The following KIAA0930 variants were observed in gnomAD, a reference collection of about 807,000 sequenced individuals.
The protein encoded by KIAA0930 is uncharacterized protein KIAA0930.
KIAA0930 carries 24 observed loss-of-function variants against 43.9 expected under a neutral mutation model. The ratio of observed to expected loss-of-function variants is 0.55; its 90% CI spans 0.40 to 0.77. The LOEUF is 0.77. Ranked by LOEUF, KIAA0930 falls within the 30% of genes least tolerant of loss-of-function variation. The pLI is 0.00. For synonymous variants in KIAA0930, 259 were observed against 216.4 expected (o/e 1.20, Z -1.73); for missense variants, 461 against 574.2 (o/e 0.80, Z 2.02).
At chr22:45,209,679 C>T (rs1159214392) in intron 2 of KIAA0930, among the ~76,000 whole-genome samples, 3 of 152,230 alleles carry the variant, frequency 2.0e-5, no homozygotes, top group African/African-American at 7.2e-5. Flanking sequence ...CTGGCCATAC[C>T]GTCTGTCTAT....
chr22:45,194,052 C>CTTTTTTTTTTTTTTTT lies in KIAA0930; in HGVS notation c.*3108_*3123dup, dbSNP rs71190644. 14 of 44,344 alleles carry CTTTTTTTTTTTTTTTT rather than the reference C, an allele frequency of 3.2e-4. 4 individuals carry two copies. The highest frequency in any genetic ancestry group is 2.5e-3 in the South Asian group (2 of 792). The allele number at this position is 44,344 out of a possible 1,614,324, so 2.7% of individuals were successfully genotyped here. ...GGTTTGGGTTTAAAGACCAATGTAT[C>CTTTTTTTTTTTTTTTT]TTTTTTTTTTTTTTTTTTTTTTTTT... On this transcript the variant is annotated 3_prime_UTR_variant, in exon 10 of 10. Coordinates refer to ENST00000336156, the MANE Select transcript of KIAA0930 (RefSeq NM_001009880.2).
At chr22:45,235,818 C>T (rs998153668) in intron 1 of KIAA0930, among the ~76,000 whole-genome samples, 14 of 152,238 alleles carry the variant, frequency 9.2e-5, no homozygotes, top group Non-Finnish European at 1.9e-4. Flanking sequence ...CACTGAGGCC[C>T]GAGGGCTGGA....
chr22:45,209,749 G>C (rs73434152), intron 2 of KIAA0930, among the ~76,000 whole-genome samples: 1 of 152,116 alleles, frequency 6.6e-6, no homozygotes, highest in East Asian at 1.9e-4. Context: ...AGTGTGGGGG[G>C]GCATCTGCAC....
At chr22:45,199,532 G>A (rs2083567902) in intron 8 of KIAA0930, among the ~76,000 whole-genome samples, 2 of 152,346 alleles carry the variant, frequency 1.3e-5, no homozygotes, top group African/African-American at 4.8e-5. Context: ...CGTGTGTGCG[G>A]AGCCATCAGA....
intron 1 of KIAA0930, among the ~76,000 whole-genome samples, chr22:45,225,316 G>T (rs1233446929): frequency 6.6e-6 from 1 of 152,122 alleles, no homozygotes; most frequent in Non-Finnish European, 1.5e-5. Context: ...CGAGGCACTT[G>T]GGGGAGGGGA....
intron 8 of KIAA0930, 29 bp from the exon 9 acceptor site, chr22:45,197,977 C>T: frequency 6.2e-7 from 1 of 1,612,142 alleles, no homozygotes; most frequent in Non-Finnish European, 8.5e-7. Flanking sequence ...GGTCAAGGCC[C>T]CCACAGCATG....
At position 45,210,468 on chromosome 22, in the gene KIAA0930, C is replaced by T. The variant is rs544622838; in HGVS notation, c.216+1488G>A. Among the ~76,000 whole-genome samples the T allele has an allele frequency of 1.6e-3, 251 of 152,296 alleles. 1 individual carries two copies. The highest frequency in any genetic ancestry group is 5.8e-3 in the African/African-American group (241 of 41,564). ...AAGGGCACTCATATGGTCACACTAA[C>T]CCCAAACATCCCAGCCTCCCAGGTG... is the stretch of plus-strand genomic sequence containing the variant. On this transcript the variant is annotated intron_variant, in intron 2 of 9. Transcript: ENST00000336156.
intron 1 of KIAA0930, among the ~76,000 whole-genome samples, chr22:45,233,481 G>A (rs1246935568): frequency 6.6e-6 from 1 of 152,178 alleles, no homozygotes; most frequent in Non-Finnish European, 1.5e-5. Flanking sequence ...GCTCCCCTCA[G>A]CACAGCAGCC....
At position 45,197,202 on chromosome 22, in the gene KIAA0930, G is replaced by A. The variant is rs1486823130; in HGVS notation, c.1189C>T (p.Arg397Trp). ...TAGGTCATCAGGATGGGCTTCTGCC[G>A]AACTTCCAGGATGTCTAGGGCCGGC... ...HRILTDILEV[R>W]QKPILMT is the part of the protein sequence containing the mutation. Residue 397 changes from arginine (R) to tryptophan (W), a missense_variant, in exon 10 of 10, where the codon CGG becomes TGG. Arg to Trp is a moderately radical substitution (Grantham distance 101, BLOSUM62 -3). Transcript: ENST00000336156. 5.8e-6 allele frequency: 9 copies of A among 1,550,246 alleles called. No homozygotes were observed. The highest frequency in any genetic ancestry group is 1.4e-5 in the African/African-American group (1 of 72,974).
intron 1 of KIAA0930, 65 bp from the exon 2 acceptor site, chr22:45,212,172 G>A: frequency 6.2e-7 from 1 of 1,613,484 alleles, no homozygotes; most frequent in Non-Finnish European, 8.5e-7. Flanking sequence ...GCATGGCCTT[G>A]GCCAAGCTGC....
Position 45,197,087 on chromosome 22 carries a change from G to T in KIAA0930, c.*89C>A. On this transcript the variant is annotated 3_prime_UTR_variant, in exon 10 of 10. Coordinates refer to ENST00000336156, the MANE Select transcript of KIAA0930 (RefSeq NM_001009880.2). ...GCGGCTCCAGCACTGGCGTGCCATCGCAGACCCCGGTGGCGGTGGACAGGT... is the reference window on the plus strand; with the variant it reads ...GCGGCTCCAGCACTGGCGTGCCATCTCAGACCCCGGTGGCGGTGGACAGGT... 1 of 1,158,920 alleles carries T rather than the reference G, an allele frequency of 8.6e-7. No individual in the cohort carries two copies. The highest frequency in any genetic ancestry group is 1.2e-6 in the Non-Finnish European group (1 of 847,036). 71.8% of individuals were successfully genotyped at this position (1,158,920 alleles called of 1,614,324 possible).
chr22:45,226,647 T>C (rs1227163846), intron 1 of KIAA0930: 1 of 232,262 alleles, frequency 4.3e-6, no homozygotes, highest in Non-Finnish European at 9.0e-6. Flanking sequence ...TGTGAGATCA[T>C]CCTCACAGGG....
intron 1 of KIAA0930, among the ~76,000 whole-genome samples, chr22:45,217,770 G>A (rs2083742651): frequency 6.6e-6 from 1 of 152,202 alleles, no homozygotes; most frequent in Non-Finnish European, 1.5e-5. Flanking sequence ...TCAGTGAGTA[G>A]GTGAATCCGT....
chr22:45,213,467 C>A (rs1331329676), intron 1 of KIAA0930: 3 of 1,225,706 alleles, frequency 2.4e-6, no homozygotes, highest in East Asian at 1.2e-4. Context: ...ACTGGCAAGA[C>A]CTCCCAGGCT....
chr22:45,205,718 G>A lies in KIAA0930; in HGVS notation c.337-11C>T, dbSNP rs2083630884. On this transcript the variant is annotated splice_polypyrimidine_tract_variant and intron_variant, in intron 3 of 9. Coordinates refer to ENST00000336156, the MANE Select transcript of KIAA0930 (RefSeq NM_001009880.2). Reference sequence around the variant, plus strand: ...CACCATGTAGTCCAGCTGGAAGAGAGCACGGGTCAGCGTGCAGGGAGGGGT... The same window carrying A: ...CACCATGTAGTCCAGCTGGAAGAGAACACGGGTCAGCGTGCAGGGAGGGGT... The A allele has an allele frequency of 2.5e-6, 4 of 1,614,026 alleles. No homozygotes were observed. The highest frequency in any genetic ancestry group is 2.2e-5 in the East Asian group (1 of 44,896).
rs182986294 is a variant in KIAA0930, at chr22:45,193,677, A to C, written c.*3499T>G. On this transcript the variant is annotated 3_prime_UTR_variant, in exon 10 of 10. Coordinates refer to ENST00000336156, the MANE Select transcript of KIAA0930 (RefSeq NM_001009880.2). Reference sequence around the variant, plus strand: ...CCTGCCTCCAAGCTGACTTGGCTATAGAGTATCTTGCGTCCTTTTGTTCTC... The same window carrying C: ...CCTGCCTCCAAGCTGACTTGGCTATCGAGTATCTTGCGTCCTTTTGTTCTC... The C allele has an allele frequency of 6.6e-6, 1 of 152,304 alleles. No individual in the cohort carries two copies. The highest frequency in any genetic ancestry group is 6.5e-5 in the Admixed American group (1 of 15,290). 9.4% of individuals were successfully genotyped at this position (152,304 alleles called of 1,614,324 possible).
chr22:45,199,840 A>G (rs5765217), intron 8 of KIAA0930, 33 bp downstream of exon 8: 1,073,841 of 1,504,796 alleles, frequency 0.71, 385,101 homozygotes, highest in East Asian at 0.87. Context: ...ACTGAAGGGC[A>G]CGGGGACCCT....
intron 2 of KIAA0930, among the ~76,000 whole-genome samples, chr22:45,210,826 C>T (rs895099500): frequency 6.6e-6 from 1 of 151,746 alleles, no homozygotes; most frequent in African/African-American, 2.4e-5. Flanking sequence ...CCTGCACACC[C>T]GCCACTGAAA....
chr22:45,209,800 A>T (rs573256098), intron 2 of KIAA0930, among the ~76,000 whole-genome samples: 1 of 152,166 alleles, frequency 6.6e-6, no homozygotes, highest in South Asian at 2.1e-4. Flanking sequence ...TCTAGCATGT[A>T]AACAGCTGGA....
Sources: allele counts gnomAD v4.1 joint callset (sites outside exome capture counted in the v4.1 genomes callset), GRCh38; gene constraint gnomAD v4.1.1; transcripts MANE v1.5; gene names NCBI Gene and HGNC (gene_info 2026-07-23, HGNC 2026-07-21).